PASD1: variants seen among roughly 807,000 people sequenced by gnomAD.
PASD1 encodes PAS domain containing repressor 1.
In PASD1, 13 loss-of-function variants were observed where a neutral mutation model predicts 58.8. That is an observed-to-expected ratio of 0.22 (90% CI 0.14 to 0.35). The LOEUF (loss-of-function observed/expected upper bound fraction) is 0.35, where lower values mean the gene tolerates loss of function less well. Among genes scored for constraint, PASD1 ranks in the 10% least tolerant of loss-of-function variants. The probability of loss-of-function intolerance (pLI) is 1.00; values close to 1 mark genes in which losing one functional copy is unlikely to be tolerated. For synonymous variants in PASD1, 236 were observed against 216.7 expected (o/e 1.09, Z -0.78); for missense variants, 734 against 568.3 (o/e 1.29, Z -2.96).
At chrX:151,604,502 C>T in intron 2 of PASD1, 144 bp from the exon 3 acceptor site, 2 of 435,875 alleles carry the variant, frequency 4.6e-6, no homozygotes, top group South Asian at 8.5e-5. Context: ...AATTAGTTAG[C>T]CAACATCAGA....
intron 1 of PASD1, among the ~76,000 whole-genome samples, chrX:151,594,253 G>T (rs962482465): frequency 9.0e-6 from 1 of 111,704 alleles, no homozygotes; most frequent in Non-Finnish European, 1.9e-5. Flanking sequence ...GATTACAGGC[G>T]TGAGCCACCG....
At chrX:151,664,494 A>C in intron 11 of PASD1, 146 bp downstream of exon 11, 2 of 1,019,155 alleles carry the variant, frequency 2.0e-6, no homozygotes, top group Non-Finnish European at 1.3e-6. Flanking sequence ...TTTCTGTTAT[A>C]CTGGATTTTC....
At position 151,671,220 on chromosome X, in the gene PASD1, G is replaced by A. The variant is rs755437412; in HGVS notation, c.1230+24G>A. On this transcript the variant is annotated intron_variant, in intron 12 of 15. Transcript: ENST00000370357. ...AGGTCAGTCAGGATGCTAGGTTTCAGGTCAGAGACCAGTTCTATATTAGTA... is the reference window on the plus strand; with the variant it reads ...AGGTCAGTCAGGATGCTAGGTTTCAAGTCAGAGACCAGTTCTATATTAGTA... 3.3e-6 allele frequency: 4 copies of A among 1,203,497 alleles called. No homozygotes were observed. The African/African-American group carries it at 5.3e-5, about 16-fold the overall frequency.
At chrX:151,663,655 T>G (rs752862245) in intron 10 of PASD1, among the ~76,000 whole-genome samples, 1 of 112,239 alleles carries the variant, frequency 8.9e-6, no homozygotes, top group African/African-American at 3.2e-5. Context: ...TTTTGCATTA[T>G]TCAAATAATG....
intron 1 of PASD1, among the ~76,000 whole-genome samples, chrX:151,598,288 T>C (rs2013348577): frequency 8.9e-6 from 1 of 111,778 alleles, no homozygotes; most frequent in Admixed American, 9.5e-5. Flanking sequence ...AATTTAATTG[T>C]ATTTGGGCCA....
At chrX:151,567,458 T>C (rs904514617) in intron 1 of PASD1, among the ~76,000 whole-genome samples, 8 of 111,555 alleles carry the variant, frequency 7.2e-5, no homozygotes, top group African/African-American at 2.6e-4. Flanking sequence ...AGATGCAGTG[T>C]CATCAAGGTT....
At chrX:151,592,098 T>C (rs1363985908) in intron 1 of PASD1, among the ~76,000 whole-genome samples, 4 of 112,344 alleles carry the variant, frequency 3.6e-5, no homozygotes, top group Non-Finnish European at 7.5e-5. Flanking sequence ...TATATTGCTG[T>C]TGTTCTTCAA....
intron 1 of PASD1, among the ~76,000 whole-genome samples, chrX:151,571,731 A>AT: frequency 8.9e-6 from 1 of 111,990 alleles, no homozygotes; most frequent in Non-Finnish European, 1.9e-5. Context: ...CTTTTCCATG[A>AT]TTCAGTTTTT....
chrX:151,565,328 T>A (rs2012819603), intron 1 of PASD1, among the ~76,000 whole-genome samples: 1 of 111,924 alleles, frequency 8.9e-6, no homozygotes, highest in Non-Finnish European at 1.9e-5. Context: ...CAGGCCAATG[T>A]AGCCAGTAGA....
At chrX:151,600,673 A>G (rs976008327) in intron 1 of PASD1, among the ~76,000 whole-genome samples, 1 of 110,069 alleles carries the variant, frequency 9.1e-6, no homozygotes, top group African/African-American at 3.3e-5. Flanking sequence ...TTTTTTATCC[A>G]ATTTTTCTTT....
At chrX:151,671,008 A>G in intron 11 of PASD1, 30 bp from the exon 12 acceptor site, 1 of 1,199,891 alleles carries the variant, frequency 8.3e-7, no homozygotes, top group Non-Finnish European at 1.1e-6. Context: ...GTGTTGCTAT[A>G]CATGAACCAT....
chrX:151,660,785 A>G (rs192221487), intron 10 of PASD1, among the ~76,000 whole-genome samples: 1 of 112,762 alleles, frequency 8.9e-6, no homozygotes, highest in Admixed American at 9.3e-5. Flanking sequence ...GTAGAAGTCA[A>G]GTAACTCCTG....
At chrX:151,583,851 C>T (rs1304651497) in intron 1 of PASD1, among the ~76,000 whole-genome samples, 1 of 111,075 alleles carries the variant, frequency 9.0e-6, no homozygotes, top group African/African-American at 3.3e-5. Context: ...TTCATGTGTC[C>T]CAGTCCTAGA....
chrX:151,648,483 A>G (rs2014088824), intron 8 of PASD1, 132 bp from the exon 9 acceptor site: 1 of 603,787 alleles, frequency 1.7e-6, no homozygotes, highest in East Asian at 3.3e-5. Context: ...TACCTCAAAG[A>G]TTAATGATGT....
chrX:151,587,888 TA>T (rs2013189879), intron 1 of PASD1, among the ~76,000 whole-genome samples: 1 of 112,278 alleles, frequency 8.9e-6, no homozygotes, highest in Non-Finnish European at 1.9e-5. Flanking sequence ...GAGTAACTGA[TA>T]AAATATTGTC....
At chrX:151,642,167 C>G (rs976310263) in intron 8 of PASD1, among the ~76,000 whole-genome samples, 3 of 112,071 alleles carry the variant, frequency 2.7e-5, no homozygotes, top group Non-Finnish European at 5.6e-5. Context: ...TCAGGTCCAT[C>G]AAGATCTTTC....
At chrX:151,657,136 T>C (rs1187111837) in intron 9 of PASD1, among the ~76,000 whole-genome samples, 1 of 111,983 alleles carries the variant, frequency 8.9e-6, no homozygotes, top group African/African-American at 3.2e-5. Flanking sequence ...TTGTCATTGG[T>C]TCTGTTTATA....
chrX:151,567,099 A>T (rs1175570823), intron 1 of PASD1, among the ~76,000 whole-genome samples: 1 of 109,416 alleles, frequency 9.1e-6, no homozygotes, highest in African/African-American at 3.3e-5. Flanking sequence ...TAAATAAAAT[A>T]AAATAAAGTT....
intron 11 of PASD1, among the ~76,000 whole-genome samples, chrX:151,669,037 C>T (rs1179598374): frequency 2.8e-5 from 3 of 108,893 alleles, no homozygotes; most frequent in Non-Finnish European, 3.8e-5. Flanking sequence ...CCACCACACC[C>T]AGCTCAGCCT....
Sources: gnomAD v4.1 joint callset for allele counts (sites outside exome capture counted in the v4.1 genomes callset) on GRCh38, gnomAD v4.1.1 for gene constraint, MANE v1.5 for transcripts, NCBI Gene and HGNC (gene_info 2026-07-23, HGNC 2026-07-21) for gene names.